Variants in ZNF423 observed in about 807,000 individuals in gnomAD.
ZNF423 encodes the protein zinc finger protein 423, also known as Ebf-associated zinc finger protein.
A neutral mutation model predicts 95.8 loss-of-function variants in ZNF423; 12 were observed. The observed-to-expected ratio is 0.13, with a 90% CI of 0.08 to 0.20. ZNF423 has a LOEUF of 0.20. Among genes scored for constraint, ZNF423 ranks in the 10% least tolerant of loss-of-function variants. The pLI, the probability that ZNF423 is intolerant of heterozygous loss-of-function variation, is 1.00. For missense variants in ZNF423, 1,316 were observed against 1,737.1 expected, an observed-to-expected ratio of 0.76 and a Z score of 4.31; for synonymous variants, 749 against 711.9, an observed-to-expected ratio of 1.05 and a Z score of -0.83.
At chr16:49,825,969 CG>C (rs1414719259) in intron 1 of ZNF423, among the ~76,000 whole-genome samples, 2 of 152,088 alleles carry the variant, frequency 1.3e-5, no homozygotes, top group Admixed American at 6.5e-5. Flanking sequence ...CCATTACTTT[CG>C]GAGGCCAAGA....
chr16:49,732,301 G>A (rs955360690), intron 2 of ZNF423, among the ~76,000 whole-genome samples: 1 of 152,200 alleles, frequency 6.6e-6, no homozygotes, highest in Admixed American at 6.5e-5. Flanking sequence ...GTAAATCAAA[G>A]TGCAAAAGCG....
chr16:49,854,772 C>T, intron 1 of ZNF423: 1 of 985,400 alleles, frequency 1.0e-6, no homozygotes. Context: ...CCAGGGGTCC[C>T]CTCGAGCTGG....
intron 3 of ZNF423, among the ~76,000 whole-genome samples, chr16:49,660,387 C>CGAAT (rs34713592): frequency 0.022 from 3,396 of 151,430 alleles, 104 homozygotes; most frequent in African/African-American, 0.063. Context: ...AATGAGAAAA[C>CGAAT]GAATGAATGA....
intron 5 of ZNF423, among the ~76,000 whole-genome samples, chr16:49,540,979 A>G (rs1463939316): frequency 6.6e-6 from 1 of 152,122 alleles, no homozygotes; most frequent in Non-Finnish European, 1.5e-5. Context: ...CACCTCCCCA[A>G]CTTCCCATGG....
intron 3 of ZNF423, among the ~76,000 whole-genome samples, chr16:49,719,931 T>TC (rs1161841588): frequency 6.6e-6 from 1 of 152,180 alleles, no homozygotes; most frequent in Non-Finnish European, 1.5e-5. Context: ...CTCAACACCA[T>TC]CTGGGCACCT....
intron 3 of ZNF423, among the ~76,000 whole-genome samples, chr16:49,655,534 C>T (rs973284880): frequency 6.6e-6 from 1 of 152,196 alleles, no homozygotes; most frequent in African/African-American, 2.4e-5. Flanking sequence ...GGTCCCCTTC[C>T]ACGTGGGGGC....
chr16:49,686,768 T>C (rs147416398), intron 3 of ZNF423, among the ~76,000 whole-genome samples: 343 of 25,966 alleles, frequency 0.013, no homozygotes, highest in African/African-American at 0.024. Context: ...CTTGGAAATC[T>C]AGAAGCCATG....
intron 1 of ZNF423, among the ~76,000 whole-genome samples, chr16:49,835,980 A>C (rs2035115185): frequency 6.6e-6 from 1 of 152,152 alleles, no homozygotes; most frequent in African/African-American, 2.4e-5. Context: ...AGACAGAGAG[A>C]GGCCCAGAGG....
intron 5 of ZNF423, among the ~76,000 whole-genome samples, chr16:49,597,538 A>T (rs55958630): frequency 0.048 from 7,333 of 152,110 alleles, 222 homozygotes; most frequent in Non-Finnish European, 0.069. Context: ...ATTTTTTTTT[A>T]AATGTGGCTA....
intron 1 of ZNF423, among the ~76,000 whole-genome samples, chr16:49,825,631 G>GA (rs199992475): frequency 0.019 from 2,886 of 148,342 alleles, 89 homozygotes; most frequent in African/African-American, 0.066. Flanking sequence ...CCATCAGCAA[G>GA]AAAAAAAAAA....
intron 3 of ZNF423, among the ~76,000 whole-genome samples, chr16:49,703,984 A>G (rs2032273360): frequency 6.6e-6 from 1 of 152,226 alleles, no homozygotes; most frequent in Admixed American, 6.5e-5. Context: ...AAGCCATTTA[A>G]GTCTACCCCA....
chr16:49,845,492 G>A (rs72780392), intron 1 of ZNF423, among the ~76,000 whole-genome samples: 2,386 of 151,606 alleles, frequency 0.016, 23 homozygotes, highest in Middle Eastern at 0.027. Flanking sequence ...CTTATGCACC[G>A]GGACAACAGT....
intron 3 of ZNF423, among the ~76,000 whole-genome samples, chr16:49,685,669 C>T (rs1256502439): frequency 1.3e-5 from 2 of 152,198 alleles, no homozygotes; most frequent in Non-Finnish European, 2.9e-5. Flanking sequence ...GGACGGCTCT[C>T]GCACACACCC....
Position 49,638,958 on chromosome 16 carries a change from G to A in ZNF423, c.302-84C>T, listed in dbSNP as rs182393564. 127 of 1,476,038 alleles carry A rather than the reference G, an allele frequency of 8.6e-5. No homozygotes were observed. The highest frequency in any genetic ancestry group is 7.4e-4 in the African/African-American group (53 of 71,160). The allele number at this position is 1,476,038 out of a possible 1,614,324, so 91.4% of individuals were successfully genotyped here. ...GACAGAGCCAGCTTCTCGACAGCACGCGGGCTGAGGCTGTGCAGCTGGCCA... is the reference window on the plus strand; with the variant it reads ...GACAGAGCCAGCTTCTCGACAGCACACGGGCTGAGGCTGTGCAGCTGGCCA... On this transcript the variant is annotated intron_variant, in intron 3 of 7. Coordinates refer to ENST00000563137, the MANE Select transcript of ZNF423 (RefSeq NM_001379286.1). The surrounding 1 kb of genome is among the most constrained non-coding windows in gnomAD (Gnocchi z 5.6).
chr16:49,829,051 C>T (rs978343431), intron 1 of ZNF423, among the ~76,000 whole-genome samples: 8 of 152,340 alleles, frequency 5.3e-5, no homozygotes, highest in Non-Finnish European at 1.0e-4. Context: ...CCCAGTCCCA[C>T]ACCAACAATG....
intron 1 of ZNF423, among the ~76,000 whole-genome samples, chr16:49,812,173 G>A (rs1018718861): frequency 2.6e-5 from 4 of 152,218 alleles, no homozygotes; most frequent in African/African-American, 9.6e-5. Flanking sequence ...ACTCAGAGAG[G>A]TTAAGACACT....
chr16:49,688,068 T>G (rs2031634545), intron 3 of ZNF423, among the ~76,000 whole-genome samples: 1 of 143,992 alleles, frequency 6.9e-6, no homozygotes, highest in South Asian at 2.4e-4. Flanking sequence ...TTTTTTTTTT[T>G]TTCGCAAGTC....
chr16:49,519,663 C>T (rs1968306781), intron 7 of ZNF423, among the ~76,000 whole-genome samples: 1 of 152,192 alleles, frequency 6.6e-6, no homozygotes, highest in Non-Finnish European at 1.5e-5. Flanking sequence ...CAAATATTTT[C>T]TCCCAATCAG....
chr16:49,797,937 C>CA (rs35043624), intron 1 of ZNF423, among the ~76,000 whole-genome samples: 81,961 of 151,902 alleles, frequency 0.54, 22,211 homozygotes, highest in Middle Eastern at 0.62. Context: ...AGGCCAGGCA[C>CA]AGTCACTCAC....
Sources: gnomAD v4.1 joint callset for allele counts (sites outside exome capture counted in the v4.1 genomes callset) on GRCh38, gnomAD v4.1.1 for gene constraint, Gnocchi (gnomAD v3.1) non-coding constraint, MANE v1.5 for transcripts, NCBI Gene and HGNC (gene_info 2026-07-23, HGNC 2026-07-21) for gene names.